The following ATP13A5 variants were observed in gnomAD, a reference collection of about 807,000 sequenced individuals.
The protein encoded by ATP13A5 is ATPase 13A5, also known as probable cation-transporting ATPase 13A5.
A neutral mutation model predicts 150.2 loss-of-function variants in ATP13A5; 149 were observed. The observed-to-expected ratio is 0.99, with a 90% CI of 0.87 to 1.14. The LOEUF is 1.14. ATP13A5 is among the 50% of genes most tolerant of loss of function. The probability of loss-of-function intolerance (pLI) is 0.00; values close to 1 mark genes in which losing one functional copy is unlikely to be tolerated. For synonymous variants in ATP13A5, 497 were observed against 522.2 expected, an observed-to-expected ratio of 0.95 and a Z score of 0.66; for missense variants, 1,383 against 1,449.3, an observed-to-expected ratio of 0.95 and a Z score of 0.74.
At chr3:193,330,877 G>T (rs574136917) in intron 12 of ATP13A5, among the ~76,000 whole-genome samples, 2 of 152,230 alleles carry the variant, frequency 1.3e-5, no homozygotes, top group African/African-American at 4.8e-5. Flanking sequence ...CCACAAACCA[G>T]GCACACAAAT....
chr3:193,289,765 T>A, intron 26 of ATP13A5, 120 bp downstream of exon 26: 1 of 961,180 alleles, frequency 1.0e-6, no homozygotes, highest in Non-Finnish European at 1.5e-6. Flanking sequence ...ATTTGAGTTT[T>A]GCAGCGACAC....
At chr3:193,336,412 G>A (rs578094926) in intron 9 of ATP13A5, among the ~76,000 whole-genome samples, 182 of 152,014 alleles carry the variant, frequency 1.2e-3, no homozygotes, top group Admixed American at 3.1e-3. Flanking sequence ...GACAGGCCCC[G>A]GTGTGTGATG....
At chr3:193,361,181 A>G (rs1712993102) in intron 5 of ATP13A5, among the ~76,000 whole-genome samples, 1 of 152,204 alleles carries the variant, frequency 6.6e-6, no homozygotes, top group East Asian at 1.9e-4. Flanking sequence ...AGTGCTATTA[A>G]ACCAATATAT....
At chr3:193,356,381 T>C (rs938273037) in intron 5 of ATP13A5, among the ~76,000 whole-genome samples, 23 of 152,174 alleles carry the variant, frequency 1.5e-4, no homozygotes, top group African/African-American at 2.7e-4. Flanking sequence ...AATGAACGAA[T>C]TGATGGCTGA....
At chr3:193,296,170 A>G (rs374977316) in intron 25 of ATP13A5, among the ~76,000 whole-genome samples, 2 of 152,046 alleles carry the variant, frequency 1.3e-5, no homozygotes, top group Non-Finnish European at 2.9e-5. Context: ...GCTTCATGGT[A>G]TGTACCACTA....
At chr3:193,362,853 G>T (rs1437316928) in intron 3 of ATP13A5, among the ~76,000 whole-genome samples, 3 of 144,742 alleles carry the variant, frequency 2.1e-5, no homozygotes, top group African/African-American at 5.1e-5. Flanking sequence ...GGAGTGCAGT[G>T]GCGTGATGAC....
chr3:193,350,819 T>TAGAG (rs887553390), intron 7 of ATP13A5, among the ~76,000 whole-genome samples: 6 of 152,164 alleles, frequency 3.9e-5, no homozygotes, highest in Non-Finnish European at 7.4e-5. Flanking sequence ...CATACTCAAA[T>TAGAG]AGAGCCTCAG....
At chr3:193,351,517 A>G (rs1209457436) in intron 6 of ATP13A5, among the ~76,000 whole-genome samples, 2 of 152,222 alleles carry the variant, frequency 1.3e-5, no homozygotes, top group African/African-American at 4.8e-5. Context: ...AGACTGACTC[A>G]TAATGGGGGA....
chr3:193,275,270 C>T lies in ATP13A5; in HGVS notation c.3429G>A (p.Leu1143=). The change falls in exon 30 of 30, where the codon CTG becomes CTA. Residue 1143 remains leucine, a synonymous_variant. Coordinates refer to ENST00000342358, the MANE Select transcript of ATP13A5 (RefSeq NM_198505.4). ...DSILQNHELW[L]LIKREFGFYS... is the part of the protein sequence containing the mutation. ...AGAATCCAAATTCTCTTTTGATCAA[C>T]AGCCAGAGTTCATGATTTTGAAGGA... 2 of 1,613,894 alleles carry T rather than the reference C, an allele frequency of 1.2e-6. No homozygotes were observed. The highest frequency in any genetic ancestry group is 8.5e-7 in the Non-Finnish European group (1 of 1,180,028).
intron 5 of ATP13A5, among the ~76,000 whole-genome samples, chr3:193,357,522 G>A (rs991245632): frequency 2.6e-5 from 4 of 152,136 alleles, no homozygotes; most frequent in Non-Finnish European, 4.4e-5. Flanking sequence ...ATATTCAGGG[G>A]TGTTGACTAA....
chr3:193,358,166 T>C (rs1400133244), intron 5 of ATP13A5, among the ~76,000 whole-genome samples: 2 of 152,170 alleles, frequency 1.3e-5, no homozygotes, highest in Non-Finnish European at 2.9e-5. Context: ...ACAGAGTCTC[T>C]GGCAGGCAGG....
chr3:193,314,542 AAACT>A (rs1272092224), intron 18 of ATP13A5, among the ~76,000 whole-genome samples: 2 of 152,162 alleles, frequency 1.3e-5, no homozygotes, highest in African/African-American at 2.4e-5. Flanking sequence ...CGGGATCTGG[AAACT>A]AACTAAGCAA....
At chr3:193,329,356 G>T (rs1160875193) in intron 12 of ATP13A5, among the ~76,000 whole-genome samples, 2 of 152,098 alleles carry the variant, frequency 1.3e-5, no homozygotes, top group African/African-American at 4.8e-5. Flanking sequence ...ATCATGCCCT[G>T]CAGAGTTTGA....
At chr3:193,275,909 C>T (rs1717175753) in intron 29 of ATP13A5, among the ~76,000 whole-genome samples, 1 of 152,100 alleles carries the variant, frequency 6.6e-6, no homozygotes, top group African/African-American at 2.4e-5. Flanking sequence ...AACGTAGGTA[C>T]AATATGATTA....
intron 15 of ATP13A5, 138 bp from the exon 16 acceptor site, chr3:193,321,975 G>T: frequency 1.0e-6 from 1 of 978,818 alleles, no homozygotes; most frequent in Non-Finnish European, 1.5e-6. Flanking sequence ...TTGATTTTGT[G>T]TGTGTGTGTG....
intron 25 of ATP13A5, among the ~76,000 whole-genome samples, chr3:193,296,827 T>C (rs889812061): frequency 1.3e-5 from 2 of 152,026 alleles, no homozygotes; most frequent in South Asian, 2.1e-4. Context: ...GAGCATGGAG[T>C]GTTTTTCCAT....
intron 5 of ATP13A5, among the ~76,000 whole-genome samples, chr3:193,355,589 A>C (rs1447470712): frequency 6.6e-6 from 1 of 152,188 alleles, no homozygotes; most frequent in East Asian, 1.9e-4. Context: ...TAGTTTGCAA[A>C]GAACAGAGAG....
chr3:193,336,594 C>G (rs551654966), intron 9 of ATP13A5, among the ~76,000 whole-genome samples: 110 of 152,294 alleles, frequency 7.2e-4, no homozygotes, highest in African/African-American at 2.5e-3. Flanking sequence ...GCATAGTATT[C>G]CATGGTGTAT....
At chr3:193,304,659 A>T (rs142792252) in intron 23 of ATP13A5, among the ~76,000 whole-genome samples, 1 of 152,246 alleles carries the variant, frequency 6.6e-6, no homozygotes, top group African/African-American at 2.4e-5. Flanking sequence ...CATTTAAAAT[A>T]TAAGTAGACA....
Sources: gnomAD v4.1 joint callset for allele counts (sites outside exome capture counted in the v4.1 genomes callset) on GRCh38, gnomAD v4.1.1 for gene constraint, MANE v1.5 for transcripts, NCBI Gene and HGNC (gene_info 2026-07-23, HGNC 2026-07-21) for gene names.